The following FBXO47 variants were observed in gnomAD, a reference collection of about 807,000 sequenced individuals.
FBXO47 encodes F-box protein 47, also known as F-box only protein 47.
A neutral mutation model predicts 53.9 loss-of-function variants in FBXO47; 34 were observed. The ratio of observed to expected loss-of-function variants is 0.63; its 90% confidence interval spans 0.48 to 0.84. The LOEUF is 0.84. Among genes scored for constraint, FBXO47 ranks in the 40% least tolerant of loss-of-function variants. The probability of loss-of-function intolerance (pLI) is 0.00; values close to 1 mark genes in which losing one functional copy is unlikely to be tolerated. For synonymous variants in FBXO47, 165 were observed against 181.6 expected (o/e 0.91, Z 0.73); for missense variants, 485 against 541.3 (o/e 0.90, Z 1.03).
intron 6 of FBXO47, among the ~76,000 whole-genome samples, chr17:38,947,826 G>C (rs1346941230): frequency 6.6e-6 from 1 of 152,058 alleles, no homozygotes; most frequent in African/African-American, 2.4e-5. Context: ...AGAAGAATGG[G>C]TGTGAACCCG....
intron 7 of FBXO47, 140 bp from the exon 8 acceptor site, chr17:38,943,876 C>A: frequency 1.3e-6 from 1 of 766,620 alleles, no homozygotes; most frequent in Non-Finnish European, 2.1e-6. Context: ...AACAAGAAGT[C>A]AATTCTGGTA....
At chr17:38,946,781 A>C (rs1162308975) in intron 6 of FBXO47, among the ~76,000 whole-genome samples, 2 of 96,668 alleles carry the variant, frequency 2.1e-5, no homozygotes, top group African/African-American at 9.2e-5. Context: ...AATATATATA[A>C]ACATATAAAT....
At chr17:38,947,037 TGTAA>T (rs1904963055) in intron 6 of FBXO47, among the ~76,000 whole-genome samples, 1 of 132,336 alleles carries the variant, frequency 7.6e-6, no homozygotes, top group African/African-American at 3.1e-5. Context: ...TACAAATATA[TGTAA>T]ATATATAAAA....
intron 1 of FBXO47, among the ~76,000 whole-genome samples, chr17:38,966,343 A>T (rs1210075601): frequency 1.3e-5 from 2 of 152,088 alleles, no homozygotes; most frequent in Admixed American, 1.3e-4. Flanking sequence ...CTGGGATTAC[A>T]GGTGCCCGCC....
chr17:38,950,966 T>C (rs1905249020), intron 6 of FBXO47, among the ~76,000 whole-genome samples: 1 of 152,116 alleles, frequency 6.6e-6, no homozygotes, highest in Non-Finnish European at 1.5e-5. Context: ...AGTTACTTGA[T>C]CTTGGCTCAC....
intron 1 of FBXO47, 147 bp downstream of exon 1, chr17:38,967,082 A>T (rs1906167227): frequency 6.6e-6 from 1 of 152,026 alleles, no homozygotes; most frequent in Admixed American, 6.6e-5. Flanking sequence ...GCCCCCAAAC[A>T]TCTCCAAAGC....
chr17:38,947,835 C>T (rs1277921502), intron 6 of FBXO47, among the ~76,000 whole-genome samples: 6 of 152,042 alleles, frequency 3.9e-5, no homozygotes, highest in Non-Finnish European at 7.4e-5. Flanking sequence ...GGTGTGAACC[C>T]GGGAGGCAGA....
At chr17:38,947,467 C>T (rs534875778) in intron 6 of FBXO47, among the ~76,000 whole-genome samples, 1 of 152,040 alleles carries the variant, frequency 6.6e-6, no homozygotes, top group South Asian at 2.1e-4. Context: ...TAGCTGGGAC[C>T]ACAGGCTAAT....
intron 2 of FBXO47, 114 bp from the exon 3 acceptor site, chr17:38,962,161 T>C (rs985952876): frequency 1.2e-6 from 1 of 850,206 alleles, no homozygotes; most frequent in Non-Finnish European, 1.8e-6. Context: ...ATCACCATCA[T>C]CATCCCTTTG....
In FBXO47 at chr17:38,957,227, G is replaced by C. The variant is rs780685377; in HGVS notation, c.379C>G (p.Leu127Val). The C allele has an allele frequency of 1.9e-6, 3 of 1,611,404 alleles. No homozygotes were observed. The highest frequency in any genetic ancestry group is 2.5e-6 in the Non-Finnish European group (3 of 1,178,032). ...LGLLFKRCTL[L>V]LPTKERLKYI... Reference sequence around the variant, plus strand: ...TTTAGCCTTTCCTTGGTGGGTAGCAGCAATGTGCATCTTTTAAACAGTAGA... The same window carrying C: ...TTTAGCCTTTCCTTGGTGGGTAGCACCAATGTGCATCTTTTAAACAGTAGA... The change falls in exon 4 of 11, where the codon CTG becomes GTG. Residue 127 changes from leucine to valine, a missense_variant. By Grantham distance (32) the Leu-to-Val change is conservative. Coordinates refer to ENST00000378079, the MANE Select transcript of FBXO47 (RefSeq NM_001008777.3).
chr17:38,954,538 C>T (rs897860121), intron 5 of FBXO47, among the ~76,000 whole-genome samples: 1 of 151,954 alleles, frequency 6.6e-6, no homozygotes, highest in Non-Finnish European at 1.5e-5. Context: ...GCACACACAC[C>T]ACCTCATAAT....
intron 5 of FBXO47, 102 bp from the exon 6 acceptor site, chr17:38,951,791 G>GATT: frequency 3.8e-6 from 3 of 789,304 alleles, no homozygotes; most frequent in African/African-American, 1.7e-5. Flanking sequence ...AACACTTTGG[G>GATT]AGGCCAAGGT....
Position 38,945,092 on chromosome 17 carries a change from T to G in FBXO47, c.661A>C (p.Asn221His), listed in dbSNP as rs1386431285. 1.2e-6 allele frequency: 2 copies of G among 1,613,798 alleles called. No homozygotes were observed. The highest frequency in any genetic ancestry group is 2.7e-5 in the African/African-American group (2 of 75,018). The change falls in exon 7 of 11, where the codon AAT (asparagine) becomes CAT (histidine). Residue 221 changes from asparagine (N) to histidine (H), a missense_variant. Transcript: ENST00000378079. ...TGTGTCCAATGATCAAGGAGGACAT[T>G]CCTACAGAAGAGTCTGATTCTTAAC... ...LELRIRLFCR[N>H]VLLDHWTHRS...
chr17:38,939,323 A>AAAAAAAAAAAATAT (rs1555559726), intron 9 of FBXO47, among the ~76,000 whole-genome samples: 1 of 50,176 alleles, frequency 2.0e-5, no homozygotes, highest in African/African-American at 7.5e-5. Flanking sequence ...AAAAAAAAAA[A>AAAAAAAAAAAATAT]ATATATATAT....
chr17:38,955,958 CAAA>C (rs34218216), intron 4 of FBXO47, among the ~76,000 whole-genome samples: 6 of 30,280 alleles, frequency 2.0e-4, no homozygotes, highest in South Asian at 1.3e-3. Context: ...ACTCCATCTC[CAAA>C]AAAAAAAAAA....
intron 6 of FBXO47, among the ~76,000 whole-genome samples, chr17:38,946,299 T>C (rs1379144611): frequency 8.0e-5 from 4 of 50,128 alleles, no homozygotes; most frequent in Admixed American, 2.6e-4. Flanking sequence ...TATATAAAAA[T>C]ATATATAAAT....
intron 4 of FBXO47, among the ~76,000 whole-genome samples, 177 bp from the exon 5 acceptor site, chr17:38,955,110 G>A (rs993502760): frequency 2.0e-5 from 3 of 152,176 alleles, no homozygotes; most frequent in Non-Finnish European, 4.4e-5. Context: ...AGTCTCGGCT[G>A]CGCGCGGTGG....
At chr17:38,946,437 TGA>T (rs1157241999) in intron 6 of FBXO47, among the ~76,000 whole-genome samples, 46 of 94,164 alleles carry the variant, frequency 4.9e-4, no homozygotes, top group Admixed American at 3.2e-3. Flanking sequence ...TAAATATATA[TGA>T]ATATATATAA....
chr17:38,965,921 C>A (rs1906094039), intron 1 of FBXO47, among the ~76,000 whole-genome samples: 1 of 150,612 alleles, frequency 6.6e-6, no homozygotes, highest in Admixed American at 6.6e-5. Flanking sequence ...AACAACTTTA[C>A]ACAATACAGC....
Sources: gnomAD v4.1 joint callset for allele counts (sites outside exome capture counted in the v4.1 genomes callset) on GRCh38, gnomAD v4.1.1 for gene constraint, MANE v1.5 for transcripts, NCBI Gene and HGNC (gene_info 2026-07-23, HGNC 2026-07-21) for gene names.